The following PTPRR variants were observed in gnomAD, a reference collection of about 807,000 sequenced individuals.
The protein encoded by PTPRR is protein tyrosine phosphatase receptor type R, also known as receptor-type tyrosine-protein phosphatase R.
In PTPRR, 38 loss-of-function variants were observed where a neutral mutation model predicts 77.2. The observed-to-expected ratio is 0.49, with a 90% CI of 0.38 to 0.65. The LOEUF is 0.65. Among genes scored for constraint, PTPRR ranks in the 30% least tolerant of loss-of-function variants. The probability of loss-of-function intolerance (pLI) is 0.00; values close to 1 mark genes in which losing one functional copy is unlikely to be tolerated. For missense variants in PTPRR, 744 were observed against 799.2 expected, an observed-to-expected ratio of 0.93 and a Z score of 0.83; for synonymous variants, 299 against 283.1, an observed-to-expected ratio of 1.06 and a Z score of -0.57.
intron 2 of PTPRR, among the ~76,000 whole-genome samples, chr12:70,891,419 T>C (rs1173123161): frequency 6.6e-6 from 1 of 152,120 alleles, no homozygotes; most frequent in South Asian, 2.1e-4. Flanking sequence ...ACATCATTTA[T>C]CTTCACTGAA....
At chr12:70,874,688 C>T (rs1212265713) in intron 2 of PTPRR, among the ~76,000 whole-genome samples, 3 of 152,006 alleles carry the variant, frequency 2.0e-5, no homozygotes, top group Admixed American at 1.3e-4. Flanking sequence ...CTTTGGGAGG[C>T]CAAGGTGGGT....
At chr12:70,786,876 A>T (rs1891333034) in intron 2 of PTPRR, among the ~76,000 whole-genome samples, 1 of 152,090 alleles carries the variant, frequency 6.6e-6, no homozygotes, top group Non-Finnish European at 1.5e-5. Context: ...AGTAATCCTG[A>T]TTTTTTCTGT....
chr12:70,770,895 A>G (rs1027511039), intron 2 of PTPRR, among the ~76,000 whole-genome samples: 9 of 151,478 alleles, frequency 5.9e-5, no homozygotes, highest in Non-Finnish European at 1.2e-4. Context: ...TCAGTAAACT[A>G]TCACAAGAAC....
chr12:70,890,470 T>A (rs1329645975), intron 2 of PTPRR, among the ~76,000 whole-genome samples: 3 of 152,062 alleles, frequency 2.0e-5, no homozygotes, highest in African/African-American at 4.8e-5. Context: ...ATTCTAAAAC[T>A]CATTGCCAAT....
intron 2 of PTPRR, among the ~76,000 whole-genome samples, chr12:70,866,122 G>C (rs1006098479): frequency 6.6e-6 from 1 of 151,876 alleles, no homozygotes; most frequent in African/African-American, 2.4e-5. Context: ...ACAATTAAAA[G>C]AACTAGAAAA....
chr12:70,865,827 C>A (rs1179427331), intron 2 of PTPRR, among the ~76,000 whole-genome samples: 2 of 152,200 alleles, frequency 1.3e-5, no homozygotes, highest in Non-Finnish European at 2.9e-5. Context: ...ATGGCAAGAT[C>A]TAAGGTGATT....
chr12:70,681,689 T>C (rs1038468134), intron 10 of PTPRR, among the ~76,000 whole-genome samples: 4 of 152,240 alleles, frequency 2.6e-5, no homozygotes, highest in Non-Finnish European at 5.9e-5. Context: ...TTTGTTGTTT[T>C]GGCTCTTTTT....
At chr12:70,874,151 C>G (rs1299573305) in intron 2 of PTPRR, among the ~76,000 whole-genome samples, 1 of 152,110 alleles carries the variant, frequency 6.6e-6, no homozygotes, top group Non-Finnish European at 1.5e-5. Context: ...AAATATCAAG[C>G]TAAAATCATA....
chr12:70,892,175 C>A (rs1300997166), intron 2 of PTPRR, among the ~76,000 whole-genome samples: 2 of 152,004 alleles, frequency 1.3e-5, no homozygotes, highest in Non-Finnish European at 2.9e-5. Flanking sequence ...ATCAATTACT[C>A]CCAACTCATT....
At chr12:70,868,828 T>C (rs1239492035) in intron 2 of PTPRR, among the ~76,000 whole-genome samples, 2 of 151,814 alleles carry the variant, frequency 1.3e-5, no homozygotes, top group Admixed American at 6.6e-5. Flanking sequence ...ATGTGGCACA[T>C]ATACACCATG....
intron 4 of PTPRR, chr12:70,754,764 A>T (rs754880200): frequency 6.5e-6 from 10 of 1,535,458 alleles, no homozygotes; most frequent in Non-Finnish European, 8.7e-6. Context: ...TGCATTAATA[A>T]ATACAGCAAC....
At chr12:70,791,220 C>T (rs1422971749) in intron 2 of PTPRR, among the ~76,000 whole-genome samples, 3 of 152,240 alleles carry the variant, frequency 2.0e-5, no homozygotes, top group Middle Eastern at 3.4e-3. Context: ...TCTAATAGCA[C>T]CTCCCCATCT....
At position 70,920,364 on chromosome 12, in the gene PTPRR, C is replaced by A. The variant is rs1240856779; in HGVS notation, c.27G>T (p.Ala9=). 2 of 1,613,776 alleles carry A rather than the reference C, an allele frequency of 1.2e-6. No homozygotes were observed. The highest frequency in any genetic ancestry group is 1.7e-6 in the Non-Finnish European group (2 of 1,179,916). Residue 9 remains alanine (A), a synonymous_variant, in exon 1 of 14, where the codon GCG becomes GCT. Coordinates refer to ENST00000283228, the MANE Select transcript of PTPRR (RefSeq NM_002849.4). MRRAVCFP[A]LCLLLNLHAA... is the part of the protein sequence containing the mutation. ...CGTGAAGATTAAGGAGCAGGCACAG[C>A]GCAGGGAAGCAGACTGCTCTCCGCA...
At chr12:70,692,422 A>G (rs942196312) in intron 8 of PTPRR, among the ~76,000 whole-genome samples, 1 of 152,152 alleles carries the variant, frequency 6.6e-6, no homozygotes, top group African/African-American at 2.4e-5. Flanking sequence ...TTTTAATTTT[A>G]TTTAATTTTA....
intron 10 of PTPRR, among the ~76,000 whole-genome samples, chr12:70,665,152 T>C (rs4489789): frequency 0.062 from 9,362 of 152,158 alleles, 451 homozygotes; most frequent in Admixed American, 0.15. Flanking sequence ...ATCACTATTC[T>C]TTTGCTAGCT....
At chr12:70,647,801 TCTC>T (rs1171917074) in intron 13 of PTPRR, among the ~76,000 whole-genome samples, 3 of 152,216 alleles carry the variant, frequency 2.0e-5, no homozygotes, top group Non-Finnish European at 4.4e-5. Flanking sequence ...TTTACGGTAA[TCTC>T]CTGTTAATAG....
chr12:70,837,023 T>C (rs939369113), intron 2 of PTPRR, among the ~76,000 whole-genome samples: 1 of 152,026 alleles, frequency 6.6e-6, no homozygotes, highest in Non-Finnish European at 1.5e-5. Flanking sequence ...ATTTAAGGTA[T>C]ATAAATGTAT....
chr12:70,691,146 A>C (rs1888041464), intron 8 of PTPRR, among the ~76,000 whole-genome samples: 1 of 152,070 alleles, frequency 6.6e-6, no homozygotes, highest in African/African-American at 2.4e-5. Flanking sequence ...TCTGCAACTC[A>C]ATCCTCCTCA....
At chr12:70,742,898 G>GA (rs1890097272) in intron 6 of PTPRR, among the ~76,000 whole-genome samples, 2 of 152,196 alleles carry the variant, frequency 1.3e-5, no homozygotes, top group Admixed American at 6.5e-5. Flanking sequence ...AATTTAAAAA[G>GA]AAGAGAAAGG....
Sources: gnomAD v4.1 joint callset for allele counts (sites outside exome capture counted in the v4.1 genomes callset) on GRCh38, gnomAD v4.1.1 for gene constraint, MANE v1.5 for transcripts, NCBI Gene and HGNC (gene_info 2026-07-23, HGNC 2026-07-21) for gene names.